TTLL11: variants seen among roughly 807,000 people sequenced by gnomAD.
TTLL11 encodes tubulin tyrosine ligase like 11.
TTLL11 carries 42 observed loss-of-function variants against 51.7 expected under a neutral mutation model. That is an observed-to-expected ratio of 0.81 (90% CI 0.64 to 1.05). The LOEUF (loss-of-function observed/expected upper bound fraction) is 1.05. Among genes scored for constraint, TTLL11 ranks in the 50% least tolerant of loss-of-function variants. The pLI is 0.00. For synonymous variants in TTLL11, 381 were observed against 383.5 expected (o/e 0.99, Z 0.08); for missense variants, 799 against 940.4 (o/e 0.85, Z 1.97).
chr9:122,083,910 TG>T (rs1846057572), intron 1 of TTLL11, among the ~76,000 whole-genome samples: 1 of 152,078 alleles, frequency 6.6e-6, no homozygotes, highest in South Asian at 2.1e-4. Flanking sequence ...GGGAGGGGGA[TG>T]GGGTAGGTGG....
intron 1 of TTLL11, among the ~76,000 whole-genome samples, chr9:122,046,365 G>A (rs997659981): frequency 8.5e-5 from 13 of 152,166 alleles, no homozygotes; most frequent in Non-Finnish European, 1.3e-4. Flanking sequence ...AGTTTCCTGA[G>A]GCCTCCAGAG....
At chr9:121,856,375 C>T (rs1381815902) in intron 8 of TTLL11, among the ~76,000 whole-genome samples, 1 of 152,182 alleles carries the variant, frequency 6.6e-6, no homozygotes, top group African/African-American at 2.4e-5. Flanking sequence ...TACTGGCCCC[C>T]ACTGTAATAC....
chr9:121,998,319 C>T (rs1449694511), intron 3 of TTLL11, among the ~76,000 whole-genome samples: 1 of 152,120 alleles, frequency 6.6e-6, no homozygotes, highest in African/African-American at 2.4e-5. Context: ...CAAAGTCTTG[C>T]TCTGTCACCC....
At chr9:121,900,024 G>A (rs1390343252) in intron 6 of TTLL11, among the ~76,000 whole-genome samples, 1 of 152,272 alleles carries the variant, frequency 6.6e-6, no homozygotes, top group African/African-American at 2.4e-5. Flanking sequence ...GACAAGAATG[G>A]CTCAAAAAGT....
chr9:121,906,343 T>TA (rs1839946386), intron 6 of TTLL11, among the ~76,000 whole-genome samples: 5 of 81,636 alleles, frequency 6.1e-5, no homozygotes, highest in Admixed American at 2.5e-4. Flanking sequence ...GTAATAATTT[T>TA]TAAAAAAAAA....
chr9:121,896,860 C>T (rs1487497884), intron 6 of TTLL11, among the ~76,000 whole-genome samples: 1 of 152,162 alleles, frequency 6.6e-6, no homozygotes. Flanking sequence ...AAAAGAAAAA[C>T]GCGTACAGGG....
chr9:122,092,814 C>A lies in TTLL11; in HGVS notation c.335G>T (p.Cys112Phe). ...GGAACCGTGGCCCGAGCTCCGCTTGCAGCTTCGGCCCTTGTCCCGGGGCTT... is the reference window on the plus strand; with the variant it reads ...GGAACCGTGGCCCGAGCTCCGCTTGAAGCTTCGGCCCTTGTCCCGGGGCTT... ...HGKPRDKGRS[C>F]KRSSGHGSGE... is the part of the protein sequence containing the mutation. Residue 112 changes from cysteine to phenylalanine, a missense_variant, in exon 1 of 9, where the codon TGC becomes TTC. Transcript: ENST00000321582. 1 of 1,550,574 alleles carries A rather than the reference C, an allele frequency of 6.4e-7. No homozygotes were observed. The highest frequency in any genetic ancestry group is 8.7e-7 in the Non-Finnish European group (1 of 1,154,786).
At chr9:121,961,438 G>A (rs974586747) in intron 6 of TTLL11, among the ~76,000 whole-genome samples, 2 of 151,522 alleles carry the variant, frequency 1.3e-5, no homozygotes, top group African/African-American at 2.4e-5. Context: ...AAAAAAGTAC[G>A]GAGAGTGGGA....
chr9:122,043,964 C>T (rs1356112593), intron 1 of TTLL11, among the ~76,000 whole-genome samples: 5 of 151,894 alleles, frequency 3.3e-5, no homozygotes, highest in South Asian at 2.1e-4. Flanking sequence ...CCCATTAACT[C>T]GTCATTTAGT....
chr9:121,919,453 G>A (rs1840445718), intron 6 of TTLL11, among the ~76,000 whole-genome samples: 1 of 152,146 alleles, frequency 6.6e-6, no homozygotes, highest in Non-Finnish European at 1.5e-5. Flanking sequence ...AAAACAGAAG[G>A]TTAAAGACAA....
chr9:122,010,250 A>G (rs1792854789), intron 3 of TTLL11, among the ~76,000 whole-genome samples: 4 of 152,242 alleles, frequency 2.6e-5, no homozygotes, highest in Admixed American at 2.6e-4. Context: ...AGTGAAAATG[A>G]AAACCATGTC....
chr9:122,002,340 G>C (rs898108789), intron 3 of TTLL11, among the ~76,000 whole-genome samples: 1 of 152,136 alleles, frequency 6.6e-6, no homozygotes, highest in Non-Finnish European at 1.5e-5. Flanking sequence ...GGGATATCTC[G>C]CTAGCCACTA....
At chr9:122,025,382 C>T (rs1844300333) in intron 3 of TTLL11, among the ~76,000 whole-genome samples, 2 of 152,192 alleles carry the variant, frequency 1.3e-5, no homozygotes, top group African/African-American at 4.8e-5. Context: ...CCTGTAATCC[C>T]AGCACTTTTG....
At chr9:121,847,621 A>G (rs1279539452) in intron 8 of TTLL11, among the ~76,000 whole-genome samples, 3 of 152,232 alleles carry the variant, frequency 2.0e-5, no homozygotes, top group African/African-American at 7.2e-5. Flanking sequence ...GATAATCTGA[A>G]TAGGCCTTTA....
chr9:121,859,718 C>CTTTTTG (rs1837945179), intron 8 of TTLL11, among the ~76,000 whole-genome samples: 1 of 152,154 alleles, frequency 6.6e-6, no homozygotes, highest in Non-Finnish European at 1.5e-5. Flanking sequence ...TGCTCCAGCC[C>CTTTTTG]ATCTGGGCTA....
intron 1 of TTLL11, among the ~76,000 whole-genome samples, chr9:122,071,014 G>A (rs1845712327): frequency 6.6e-6 from 1 of 152,152 alleles, no homozygotes; most frequent in Non-Finnish European, 1.5e-5. Context: ...ACTGGCCAGT[G>A]TCTCGGGCAC....
chr9:121,826,686 A>T (rs978905405), intron 8 of TTLL11, among the ~76,000 whole-genome samples: 8 of 150,706 alleles, frequency 5.3e-5, no homozygotes, highest in Admixed American at 4.0e-4. Flanking sequence ...CCTCTGGAGC[A>T]TCCGTGCCAA....
chr9:121,966,027 C>A (rs1029928533), intron 6 of TTLL11, among the ~76,000 whole-genome samples: 1 of 152,162 alleles, frequency 6.6e-6, no homozygotes, highest in African/African-American at 2.4e-5. Context: ...GGCACAGGGC[C>A]CAAGAGATGT....
chr9:121,899,371 A>G (rs1400279427), intron 6 of TTLL11, among the ~76,000 whole-genome samples: 37 of 69,214 alleles, frequency 5.3e-4, no homozygotes, highest in African/African-American at 1.6e-3. Context: ...GTGTGTATAT[A>G]TATATACATA....
Sources: gnomAD v4.1 joint callset for allele counts (sites outside exome capture counted in the v4.1 genomes callset) on GRCh38, gnomAD v4.1.1 for gene constraint, MANE v1.5 for transcripts, NCBI Gene and HGNC (gene_info 2026-07-23, HGNC 2026-07-21) for gene names.